DSE: variants seen among roughly 807,000 people sequenced by gnomAD.
DSE encodes dermatan sulfate epimerase.
A neutral mutation model predicts 84.4 loss-of-function variants in DSE; 36 were observed. The ratio of observed to expected loss-of-function variants is 0.43; its 90% CI spans 0.33 to 0.56. The LOEUF (loss-of-function observed/expected upper bound fraction) is 0.56. Among genes scored for constraint, DSE ranks in the 20% least tolerant of loss-of-function variants. The pLI is 0.06. For synonymous variants in DSE, 410 were observed against 430.1 expected, an observed-to-expected ratio of 0.95 and a Z score of 0.58; for missense variants, 862 against 1,169.6, an observed-to-expected ratio of 0.74 and a Z score of 3.84.
At position 116,399,388 on chromosome 6, in the gene DSE, G is replaced by A. The variant is rs757348971; in HGVS notation, c.138G>A (p.Leu46=). The A allele has an allele frequency of 1.2e-6, 2 of 1,614,100 alleles. No individual in the cohort carries two copies. The highest frequency in any genetic ancestry group is 1.7e-5 in the Admixed American group (1 of 60,026). Residue 46 remains leucine (L), a synonymous_variant, in exon 2 of 6, where the codon CTG becomes CTA. Transcript: ENST00000644252. ...TNANYDSHPM[L]YFSRAEVAEL... The stretch of plus-strand genomic sequence containing the variant: ...CCAACTACGACAGCCATCCCATGCT[G>A]TACTTCTCCAGGGCAGAAGTGGCGG...
intron 1 of DSE, among the ~76,000 whole-genome samples, chr6:116,380,226 A>G (rs1178917960): frequency 1.3e-5 from 2 of 152,110 alleles, no homozygotes; most frequent in African/African-American, 2.4e-5. Context: ...GTCATTGAGT[A>G]AGTATTTGCC....
intron 2 of DSE, among the ~76,000 whole-genome samples, chr6:116,401,815 A>G (rs1218837226): frequency 2.0e-5 from 3 of 152,256 alleles, no homozygotes; most frequent in East Asian, 1.9e-4. Flanking sequence ...CACAATGAGT[A>G]TTGTCATTGA....
chr6:116,320,771 T>G (rs999702467), intron 2 of DSE, among the ~76,000 whole-genome samples: 2 of 152,166 alleles, frequency 1.3e-5, no homozygotes, highest in African/African-American at 4.8e-5. Context: ...TCTGTTCTTA[T>G]AAGGACACCA....
Position 116,438,020 on chromosome 6 carries a change from A to G in DSE, c.*675A>G, listed in dbSNP as rs1308897990. 3.3e-5 allele frequency: 5 copies of G among 152,592 alleles called. No individual in the cohort carries two copies. Among genetic ancestry groups the G allele is most frequent in the Admixed American group, 3.3e-4 (5 of 15,278 alleles). 9.5% of individuals were successfully genotyped at this position (152,592 alleles called of 1,614,324 possible). ...TTCCTTGATGCTGGTCTCTGCACAC[A>G]TATGCTTGGTTACTTGCATGCATTC... is the stretch of plus-strand genomic sequence containing the variant. On this transcript the variant is annotated 3_prime_UTR_variant, in exon 6 of 6. Transcript: ENST00000644252.
intron 2 of DSE, among the ~76,000 whole-genome samples, chr6:116,357,329 G>A (rs933084003): frequency 3.3e-5 from 5 of 152,028 alleles, no homozygotes; most frequent in South Asian, 4.1e-4. Context: ...TCAGGAGATC[G>A]AGACCATCCT....
At chr6:116,371,909 T>C (rs1293879944) in intron 1 of DSE, among the ~76,000 whole-genome samples, 1 of 152,234 alleles carries the variant, frequency 6.6e-6, no homozygotes, top group Non-Finnish European at 1.5e-5. Context: ...TTAAGCCGGC[T>C]GGCATTCAGA....
At chr6:116,371,147 G>A (rs1779527127) in intron 1 of DSE, 26 bp downstream of exon 1, 3 of 985,848 alleles carry the variant, frequency 3.0e-6, no homozygotes, top group Non-Finnish European at 3.6e-6. Context: ...CGCAAGGGAC[G>A]AGCTGGGGCG....
At chr6:116,370,720 T>G (rs1230043703), upstream of DSE, 1 of 786,116 alleles carries the variant, frequency 1.3e-6, no homozygotes, top group Non-Finnish European at 1.5e-6. Flanking sequence ...CGAGCACAGC[T>G]GCGAGCGGCG....
chr6:116,412,302 T>A (rs1413608674), intron 2 of DSE, among the ~76,000 whole-genome samples: 3 of 152,188 alleles, frequency 2.0e-5, no homozygotes, highest in Non-Finnish European at 4.4e-5. Flanking sequence ...CTTTCCTTCC[T>A]GAATTGACTG....
At chr6:116,387,567 G>T (rs960806182) in intron 1 of DSE, among the ~76,000 whole-genome samples, 4 of 152,136 alleles carry the variant, frequency 2.6e-5, no homozygotes, top group African/African-American at 7.2e-5. Context: ...CAGGCAGCTT[G>T]CAGGGAGAAA....
intron 1 of DSE, among the ~76,000 whole-genome samples, chr6:116,389,871 T>C (rs1780786739): frequency 6.6e-6 from 1 of 152,084 alleles, no homozygotes; most frequent in African/African-American, 2.4e-5. Flanking sequence ...CCAAGTTCAA[T>C]AGGTTAAATA....
chr6:116,398,435 T>C (rs1015062050), intron 1 of DSE, among the ~76,000 whole-genome samples: 1 of 152,168 alleles, frequency 6.6e-6, no homozygotes, highest in Non-Finnish European at 1.5e-5. Context: ...AAGTAGACAG[T>C]AGTTTCAGAT....
intron 3 of DSE, among the ~76,000 whole-genome samples, chr6:116,428,058 G>T (rs1375099461): frequency 6.6e-6 from 1 of 152,132 alleles, no homozygotes; most frequent in Non-Finnish European, 1.5e-5. Flanking sequence ...GCGTTGTGGC[G>T]TGTGCCTGTA....
At chr6:116,262,305 G>T (rs562131517) in intron 2 of DSE, among the ~76,000 whole-genome samples, 2 of 152,152 alleles carry the variant, frequency 1.3e-5, no homozygotes, top group East Asian at 1.9e-4. Context: ...ACTCAATATT[G>T]GTCTGTTCCT....
At chr6:116,389,764 G>A (rs1263881200) in intron 1 of DSE, among the ~76,000 whole-genome samples, 1 of 152,014 alleles carries the variant, frequency 6.6e-6, no homozygotes, top group African/African-American at 2.4e-5. Flanking sequence ...TAAAGCTATT[G>A]CTGAGAGAGC....
At chr6:116,304,679 A>G (rs942084146) in intron 2 of DSE, among the ~76,000 whole-genome samples, 4 of 152,122 alleles carry the variant, frequency 2.6e-5, no homozygotes, top group Non-Finnish European at 4.4e-5. Context: ...TGCCCTGTTA[A>G]TTCTTGTTTG....
At chr6:116,302,256 T>G (rs1053340018) in intron 2 of DSE, among the ~76,000 whole-genome samples, 2 of 152,206 alleles carry the variant, frequency 1.3e-5, no homozygotes, top group African/African-American at 4.8e-5. Flanking sequence ...CCACCAACAG[T>G]ATAAAAGTAT....
At position 116,278,952 on chromosome 6, in the gene DSE, A is replaced by G. The variant is rs1432310144; in HGVS notation, c.-54+19985A>G. On this transcript the variant is annotated intron_variant, in intron 2 of 3. Coordinates refer to the DSE transcript ENST00000430252. ...TTAACATCTCTGCATCTTGGCCCCT[A>G]ATCATGGCGGACAACTGGGGGTGGT... The G allele has an allele frequency of 1.9e-6, 3 of 1,613,966 alleles. No homozygotes were observed. In the African/African-American group the frequency reaches 4.0e-5, roughly 22 times the overall value.
At chr6:116,268,261 T>C (rs902795464) in intron 2 of DSE, among the ~76,000 whole-genome samples, 4 of 152,236 alleles carry the variant, frequency 2.6e-5, no homozygotes, top group African/African-American at 9.6e-5. Flanking sequence ...GTTACACAAA[T>C]ACTTGCCATT....
Sources: allele counts gnomAD v4.1 joint callset (sites outside exome capture counted in the v4.1 genomes callset), GRCh38; gene constraint gnomAD v4.1.1; transcripts MANE v1.5; gene names NCBI Gene and HGNC (gene_info 2026-07-23, HGNC 2026-07-21).